The following CNTNAP2 variants were observed in gnomAD, a reference collection of about 807,000 sequenced individuals.
CNTNAP2 encodes the protein contactin associated protein 2.
In CNTNAP2, 98 loss-of-function variants were observed where a neutral mutation model predicts 155.2. The observed-to-expected ratio is 0.63, with a 90% confidence interval of 0.54 to 0.75. The LOEUF (loss-of-function observed/expected upper bound fraction) is 0.75. CNTNAP2 is among the 30% of genes least tolerant of loss of function. CNTNAP2 has a pLI of 0.00. For missense variants in CNTNAP2, 1,727 were observed against 1,688.1 expected, an observed-to-expected ratio of 1.02 and a Z score of -0.40; for synonymous variants, 651 against 631.2, an observed-to-expected ratio of 1.03 and a Z score of -0.47.
intron 21 of CNTNAP2, among the ~76,000 whole-genome samples, chr7:148,348,835 G>A (rs914442315): frequency 9.9e-5 from 15 of 152,172 alleles, no homozygotes; most frequent in African/African-American, 3.1e-4. Flanking sequence ...AATCGGATGC[G>A]AGACTTTTCA....
chr7:146,249,641 C>T (rs983805537), intron 1 of CNTNAP2, among the ~76,000 whole-genome samples: 9 of 152,160 alleles, frequency 5.9e-5, no homozygotes, highest in African/African-American at 1.9e-4. Flanking sequence ...CCATTCAGTC[C>T]TCTCATGGCA....
At chr7:147,891,211 T>G (rs1040176044) in intron 13 of CNTNAP2, among the ~76,000 whole-genome samples, 1 of 151,358 alleles carries the variant, frequency 6.6e-6, no homozygotes, top group Admixed American at 6.6e-5. Context: ...AAATAGATTT[T>G]TTTTTTTTTT....
chr7:147,466,300 A>G (rs2116598414), intron 10 of CNTNAP2, among the ~76,000 whole-genome samples: 1 of 152,264 alleles, frequency 6.6e-6, no homozygotes, highest in African/African-American at 2.4e-5. Flanking sequence ...TCTGGAATGG[A>G]GGTTTTATGA....
At chr7:146,858,201 T>C (rs1339659574) in intron 3 of CNTNAP2, among the ~76,000 whole-genome samples, 1 of 152,090 alleles carries the variant, frequency 6.6e-6, no homozygotes, top group Non-Finnish European at 1.5e-5. Flanking sequence ...GCCAGAGGAG[T>C]ACTTAGTGTT....
chr7:147,268,908 C>T (rs1412284014), intron 8 of CNTNAP2, among the ~76,000 whole-genome samples: 2 of 152,116 alleles, frequency 1.3e-5, no homozygotes, highest in Non-Finnish European at 2.9e-5. Flanking sequence ...AGGTAGGGGA[C>T]CTCTTGATAC....
At chr7:147,649,001 C>G (rs1795409850) in intron 13 of CNTNAP2, among the ~76,000 whole-genome samples, 1 of 152,154 alleles carries the variant, frequency 6.6e-6, no homozygotes, top group South Asian at 2.1e-4. Flanking sequence ...AACGTTTTCC[C>G]TCTTGTCATT....
At chr7:147,343,833 A>G (rs993004387) in intron 9 of CNTNAP2, among the ~76,000 whole-genome samples, 4 of 152,144 alleles carry the variant, frequency 2.6e-5, no homozygotes, top group Non-Finnish European at 5.9e-5. Context: ...CTAGGACCAC[A>G]TAAATGGGGG....
At chr7:146,772,594 G>A (rs1802314181) in intron 1 of CNTNAP2, among the ~76,000 whole-genome samples, 1 of 151,910 alleles carries the variant, frequency 6.6e-6, no homozygotes, top group African/African-American at 2.4e-5. Flanking sequence ...GCTTGAACCC[G>A]GGAGACAGAG....
At chr7:147,746,062 A>G (rs369452052) in intron 13 of CNTNAP2, among the ~76,000 whole-genome samples, 2 of 152,334 alleles carry the variant, frequency 1.3e-5, no homozygotes, top group Admixed American at 6.5e-5. Flanking sequence ...ACAGGGTCAA[A>G]TATGCAGGTT....
intron 15 of CNTNAP2, among the ~76,000 whole-genome samples, chr7:147,992,989 G>C (rs151237828): frequency 1.3e-5 from 2 of 152,164 alleles, no homozygotes; most frequent in Non-Finnish European, 2.9e-5. Context: ...AGTAGGACTT[G>C]AGCTTAAAAG....
intron 1 of CNTNAP2, among the ~76,000 whole-genome samples, chr7:146,675,103 T>A (rs1236517951): frequency 6.6e-6 from 1 of 152,168 alleles, no homozygotes; most frequent in East Asian, 1.9e-4. Context: ...TTACATCTTA[T>A]TTATTTACAC....
intron 1 of CNTNAP2, among the ~76,000 whole-genome samples, chr7:146,727,742 G>T (rs1314281671): frequency 6.6e-6 from 1 of 152,134 alleles, no homozygotes; most frequent in Non-Finnish European, 1.5e-5. Context: ...TTATAGAAGC[G>T]TATGTGTAAT....
chr7:146,712,304 CT>C (rs1338231739), intron 1 of CNTNAP2, among the ~76,000 whole-genome samples: 18 of 121,988 alleles, frequency 1.5e-4, no homozygotes, highest in African/African-American at 5.2e-4. Context: ...CTTATGTATA[CT>C]ATATAGTATA....
intron 11 of CNTNAP2, among the ~76,000 whole-genome samples, chr7:147,487,651 A>G (rs1025906694): frequency 1.3e-5 from 2 of 152,162 alleles, no homozygotes; most frequent in Admixed American, 6.5e-5. Context: ...CTGAAAAGCA[A>G]CTTATTCTTT....
At chr7:147,141,194 C>T (rs570252991) in intron 8 of CNTNAP2, among the ~76,000 whole-genome samples, 2 of 152,036 alleles carry the variant, frequency 1.3e-5, no homozygotes, top group Non-Finnish European at 2.9e-5. Flanking sequence ...TCAAATTTTG[C>T]CTTTTATCTT....
At chr7:146,747,771 A>G (rs543927660) in intron 1 of CNTNAP2, among the ~76,000 whole-genome samples, 1 of 152,266 alleles carries the variant, frequency 6.6e-6, no homozygotes, top group Admixed American at 6.5e-5. Flanking sequence ...AATTTCTCCC[A>G]GGCAAGTCCT....
intron 13 of CNTNAP2, among the ~76,000 whole-genome samples, chr7:147,738,691 G>C (rs901364257): frequency 7.9e-6 from 1 of 126,512 alleles, no homozygotes; most frequent in East Asian, 2.4e-4. Context: ...GTCTTGCTCT[G>C]TTGCCCAAAC....
intron 11 of CNTNAP2, among the ~76,000 whole-genome samples, chr7:147,487,507 G>A (rs6968564): frequency 0.2 from 31,020 of 151,928 alleles, 3,461 homozygotes; most frequent in East Asian, 0.36. Context: ...AATTTTTATC[G>A]TGTGTTATAA....
chr7:147,396,346 C>G (rs1426832506), intron 10 of CNTNAP2, among the ~76,000 whole-genome samples: 1 of 151,710 alleles, frequency 6.6e-6, no homozygotes, highest in Non-Finnish European at 1.5e-5. Flanking sequence ...TGTGCCTTCT[C>G]TTTCTGTCTC....
Sources: allele counts gnomAD v4.1 joint callset (sites outside exome capture counted in the v4.1 genomes callset), GRCh38; gene constraint gnomAD v4.1.1; transcripts MANE v1.5; gene names NCBI Gene and HGNC (gene_info 2026-07-23, HGNC 2026-07-21).